VWA3B: variants seen among roughly 807,000 people sequenced by gnomAD.
VWA3B encodes the protein von Willebrand factor A domain containing 3B, also known as von Willebrand factor A domain-containing protein 3B.
In VWA3B, 138 loss-of-function variants were observed where a neutral mutation model predicts 158.3. The ratio of observed to expected loss-of-function variants is 0.87; its 90% CI spans 0.76 to 1.00. The LOEUF is 1.00. Among genes scored for constraint, VWA3B ranks in the 50% least tolerant of loss-of-function variants. VWA3B has a pLI of 0.00. For synonymous variants in VWA3B, 596 were observed against 587.3 expected (o/e 1.01, Z -0.21); for missense variants, 1,555 against 1,565.1 (o/e 0.99, Z 0.11).
At chr2:98,092,594 G>A (rs1682396160) in intron 1 of VWA3B, among the ~76,000 whole-genome samples, 1 of 152,064 alleles carries the variant, frequency 6.6e-6, no homozygotes, top group East Asian at 1.9e-4. Flanking sequence ...AGTGAGCCTA[G>A]ATTGTGCCAC....
intron 12 of VWA3B, among the ~76,000 whole-genome samples, chr2:98,200,777 T>C (rs1023659108): frequency 6.6e-6 from 1 of 152,236 alleles, no homozygotes; most frequent in Non-Finnish European, 1.5e-5. Flanking sequence ...TTTTCTCATG[T>C]TTTCATCCTC....
chr2:98,162,570 G>T (rs1678704282), intron 7 of VWA3B, among the ~76,000 whole-genome samples: 1 of 152,052 alleles, frequency 6.6e-6, no homozygotes, highest in Admixed American at 6.5e-5. Context: ...TATCTTATTT[G>T]GGTATTATCA....
intron 2 of VWA3B, among the ~76,000 whole-genome samples, chr2:98,114,100 G>A (rs540466735): frequency 2.6e-5 from 4 of 152,056 alleles, no homozygotes; most frequent in Non-Finnish European, 4.4e-5. Flanking sequence ...TTTATATTTC[G>A]TCCAGAATTT....
intron 14 of VWA3B, among the ~76,000 whole-genome samples, chr2:98,226,773 C>T (rs1041754900): frequency 5.9e-5 from 9 of 151,452 alleles, no homozygotes; most frequent in African/African-American, 2.2e-4. Flanking sequence ...TATGCACAGA[C>T]ATTTCACTGA....
At position 98,276,594 on chromosome 2, in the gene VWA3B, G is replaced by A. The variant is rs897634093; in HGVS notation, c.3045+5711G>A. 2.0e-5 allele frequency among the ~76,000 whole-genome samples: 3 copies of A among 152,066 alleles called. No individual in the cohort carries two copies. The South Asian group carries it at 6.2e-4, about 32-fold the overall frequency. On this transcript the variant is annotated intron_variant, in intron 22 of 27. Transcript: ENST00000477737. Reference sequence around the variant, plus strand: ...GTGGGCTGCCCATGTGTGTCCAGAGGGCTGTGGCCACTGCGTTTGGAGTGG... The same window carrying A: ...GTGGGCTGCCCATGTGTGTCCAGAGAGCTGTGGCCACTGCGTTTGGAGTGG...
At chr2:98,227,268 C>A (rs914770991) in intron 14 of VWA3B, among the ~76,000 whole-genome samples, 3 of 152,018 alleles carry the variant, frequency 2.0e-5, no homozygotes, top group Non-Finnish European at 2.9e-5. Context: ...AGCAGAGAGC[C>A]AAATCATGAA....
At chr2:98,123,666 T>TG (rs1354176286) in intron 5 of VWA3B, among the ~76,000 whole-genome samples, 1 of 152,140 alleles carries the variant, frequency 6.6e-6, no homozygotes, top group Non-Finnish European at 1.5e-5. Context: ...GGGCAGCACG[T>TG]GGGGTCCTGG....
At chr2:98,179,176 G>T in intron 8 of VWA3B, 2 of 470,148 alleles carry the variant, frequency 4.3e-6, no homozygotes, top group Non-Finnish European at 8.8e-6. Flanking sequence ...AGACACCAGT[G>T]CCTCCTCAGC....
chr2:98,312,216 T>A lies in VWA3B; in HGVS notation c.3752T>A (p.Phe1251Tyr). ...CTTCCCCAGACAGCCCACCTCCACT[T>A]CCCCGCGGCCGGGCGTCTAGGACTC... ...HPEPRTAHLHFPAAGRLGLSS... is the reference protein window; with the variant it reads ...HPEPRTAHLHYPAAGRLGLSS... The change falls in exon 28 of 28, where the codon TTC (phenylalanine) becomes TAC (tyrosine). Residue 1251 changes from phenylalanine (F) to tyrosine (Y), a missense_variant. Coordinates refer to ENST00000477737, the MANE Select transcript of VWA3B (RefSeq NM_144992.5). 6.2e-7 allele frequency: 1 copy of A among 1,613,938 alleles called. No homozygotes were observed. The highest frequency in any genetic ancestry group is 1.1e-5 in the South Asian group (1 of 91,068).
chr2:98,224,261 C>T (rs1232659115), intron 14 of VWA3B, among the ~76,000 whole-genome samples: 1 of 151,672 alleles, frequency 6.6e-6, no homozygotes, highest in African/African-American at 2.4e-5. Context: ...AATTGGAGCA[C>T]CAGAAAGAAA....
chr2:98,179,738 TCCTTCCTC>T (rs1230972932), intron 8 of VWA3B, among the ~76,000 whole-genome samples: 1 of 151,416 alleles, frequency 6.6e-6, no homozygotes, highest in Non-Finnish European at 1.5e-5. Flanking sequence ...TCTCTCTCTC[TCCTTCCTC>T]CCTTCCTCCC....
chr2:98,163,109 A>G (rs1678767912), intron 8 of VWA3B, 133 bp downstream of exon 8: 3 of 1,403,130 alleles, frequency 2.1e-6, no homozygotes, highest in Non-Finnish European at 2.9e-6. Context: ...GAGAGCAGCC[A>G]GAGCTGTGTG....
intron 16 of VWA3B, among the ~76,000 whole-genome samples, chr2:98,232,597 A>C (rs1269234042): frequency 3.3e-5 from 5 of 152,092 alleles, no homozygotes; most frequent in Non-Finnish European, 5.9e-5. Context: ...GATTTTTGAT[A>C]GTATCTTGGA....
downstream of VWA3B, among the ~76,000 whole-genome samples, chr2:98,318,250 A>G (rs1030906112): frequency 6.6e-6 from 1 of 152,230 alleles, no homozygotes; most frequent in African/African-American, 2.4e-5. Flanking sequence ...TAAATTTTTT[A>G]TTATAAATAC....
chr2:98,312,431 C>G lies in VWA3B; in HGVS notation c.*82C>G, dbSNP rs1690968440. The G allele has an allele frequency of 2.7e-6, 4 of 1,509,206 alleles. No individual in the cohort carries two copies. The highest frequency in any genetic ancestry group is 3.5e-6 in the Non-Finnish European group (4 of 1,129,988). The allele number at this position is 1,509,206 out of a possible 1,614,324, so 93.5% of individuals were successfully genotyped here. The stretch of plus-strand genomic sequence containing the variant: ...CTCAGCGTTGACACTGAAACTGGCC[C>G]CTCCGCGGAGGTAAGGCCGCCCTCC... On this transcript the variant is annotated 3_prime_UTR_variant, in exon 28 of 28. Transcript: ENST00000477737.
chr2:98,113,016 A>C (rs1260199569), intron 2 of VWA3B, among the ~76,000 whole-genome samples: 1 of 151,632 alleles, frequency 6.6e-6, no homozygotes, highest in Non-Finnish European at 1.5e-5. Flanking sequence ...TTGTTCACTT[A>C]TTATGATCAC....
intron 21 of VWA3B, among the ~76,000 whole-genome samples, chr2:98,257,584 G>A (rs1327163450): frequency 1.3e-5 from 2 of 151,776 alleles, no homozygotes; most frequent in African/African-American, 2.4e-5. Context: ...TCATGGGTGT[G>A]AAAGGCTATT....
intron 7 of VWA3B, among the ~76,000 whole-genome samples, chr2:98,139,927 G>A (rs1026796686): frequency 6.6e-6 from 1 of 152,118 alleles, no homozygotes; most frequent in African/African-American, 2.4e-5. Context: ...GGTCCATACT[G>A]TTTTCATGAG....
At chr2:98,158,866 T>G (rs1198078850) in intron 7 of VWA3B, among the ~76,000 whole-genome samples, 1 of 152,104 alleles carries the variant, frequency 6.6e-6, no homozygotes, top group African/African-American at 2.4e-5. Context: ...ATGGGAGCTT[T>G]GAACCCTGAC....
Sources: allele counts gnomAD v4.1 joint callset (sites outside exome capture counted in the v4.1 genomes callset), GRCh38; gene constraint gnomAD v4.1.1; transcripts MANE v1.5; gene names NCBI Gene and HGNC (gene_info 2026-07-23, HGNC 2026-07-21).